GTPBP1: variants seen among roughly 807,000 people sequenced by gnomAD.
GTPBP1 encodes the protein GTP binding protein 1, also known as GTP-binding protein 1.
Under a neutral mutation model 62.0 loss-of-function variants are expected in GTPBP1, and 23 were observed. The observed-to-expected ratio is 0.37, with a 90% confidence interval of 0.27 to 0.53. The LOEUF (loss-of-function observed/expected upper bound fraction) is 0.53, where lower values mean the gene tolerates loss of function less well. GTPBP1 is among the 20% of genes least tolerant of loss of function. The pLI is 0.89. For synonymous variants in GTPBP1, 344 were observed against 364.4 expected (o/e 0.94, Z 0.64); for missense variants, 640 against 917.3 (o/e 0.70, Z 3.90).
At chr22:38,734,346 G>T (rs1410455392), downstream of GTPBP1, 1 of 454,542 alleles carries the variant, frequency 2.2e-6, no homozygotes, top group South Asian at 1.6e-5. Flanking sequence ...GGGGCAAATA[G>T]CGAATTCCCA....
At chr22:38,738,693 C>T (rs757720826), downstream of GTPBP1, 52 of 1,613,604 alleles carry the variant, frequency 3.2e-5, 1 homozygote, top group South Asian at 2.9e-4. This position sits in a 1 kb window ranked among gnomAD's most constrained non-coding sequence, Gnocchi z 6.6. Flanking sequence ...GGCAGAGAGG[C>T]GGACCACGGC....
chr22:38,741,488 G>C (rs573493906), downstream of GTPBP1: 1 of 1,613,606 alleles, frequency 6.2e-7, no homozygotes, highest in East Asian at 2.2e-5. Context: ...CCGCAAGCCC[G>C]CTGACCTGGG....
At chr22:38,737,081 A>G (rs1033477329), downstream of GTPBP1, among the ~76,000 whole-genome samples, 1 of 152,180 alleles carries the variant, frequency 6.6e-6, no homozygotes, top group Non-Finnish European at 1.5e-5. This position sits in a 1 kb window ranked among gnomAD's most constrained non-coding sequence, Gnocchi z 4.1. Context: ...TCCTGGGCTC[A>G]AGCAATCCCC....
At chr22:38,736,254 C>A, downstream of GTPBP1, 2 of 1,607,550 alleles carry the variant, frequency 1.2e-6, no homozygotes, top group Non-Finnish European at 1.7e-6. Flanking sequence ...GCAGCAGGCA[C>A]CAGTAAGCAG....
intron 2 of GTPBP1, among the ~76,000 whole-genome samples, chr22:38,710,588 G>A (rs530247333): frequency 6.6e-6 from 1 of 152,176 alleles, no homozygotes; most frequent in African/African-American, 2.4e-5. Flanking sequence ...GCATTATCAA[G>A]TGCTACAGAG....
downstream of GTPBP1, among the ~76,000 whole-genome samples, chr22:38,742,043 T>G (rs1183309264): frequency 6.6e-6 from 1 of 150,900 alleles, no homozygotes; most frequent in Non-Finnish European, 1.5e-5. Context: ...GGAGGCTGAG[T>G]GAGGCAAGAG....
At chr22:38,711,068 A>G (rs1330116523) in intron 2 of GTPBP1, among the ~76,000 whole-genome samples, 2 of 152,202 alleles carry the variant, frequency 1.3e-5, no homozygotes, top group South Asian at 2.1e-4. Flanking sequence ...AACTAGTTAA[A>G]CAAGTTGAAC....
At chr22:38,715,815 G>A in intron 2 of GTPBP1, 92 bp from the exon 3 acceptor site, 1 of 1,008,796 alleles carries the variant, frequency 9.9e-7, no homozygotes, top group Non-Finnish European at 1.5e-6. Flanking sequence ...GGGGGGTGGT[G>A]GCCTTTGTTA....
chr22:38,729,689 G>A, intron 11 of GTPBP1, 27 bp downstream of exon 11: 1 of 1,433,632 alleles, frequency 7.0e-7, no homozygotes, highest in African/African-American at 1.5e-5. Context: ...CGCAGCTTCG[G>A]CATGGTGGTG....
downstream of GTPBP1, chr22:38,739,260 C>T (rs2092833638): frequency 6.8e-7 from 1 of 1,469,632 alleles, no homozygotes; most frequent in African/African-American, 1.4e-5. This position sits in a 1 kb window ranked among gnomAD's most constrained non-coding sequence, Gnocchi z 6.7. Flanking sequence ...TTGCTCTGCC[C>T]CACCACCAAC....
chr22:38,722,709 G>A (rs1461227990), intron 5 of GTPBP1: 31 of 1,597,958 alleles, frequency 1.9e-5, no homozygotes, highest in Non-Finnish European at 2.4e-5. Flanking sequence ...TTTCTTCTCT[G>A]GGGTGAGAAG....
chr22:38,706,251 C>T, intron 1 of GTPBP1, 104 bp downstream of exon 1: 1 of 754,224 alleles, frequency 1.3e-6, no homozygotes, highest in Non-Finnish European at 1.8e-6. Context: ...GCGGGGAGCG[C>T]GGAACGGGAA....
chr22:38,706,477 C>G (rs936066447), intron 1 of GTPBP1: 17 of 208,534 alleles, frequency 8.2e-5, no homozygotes, highest in South Asian at 5.5e-4. Context: ...TTCCCTGTCC[C>G]CGCTCAGTGC....
chr22:38,738,085 C>G (rs767185819), downstream of GTPBP1: 5 of 1,193,108 alleles, frequency 4.2e-6, no homozygotes, highest in African/African-American at 1.5e-5. This position sits in a 1 kb window ranked among gnomAD's most constrained non-coding sequence, Gnocchi z 6.6. Flanking sequence ...CTCTGAACCC[C>G]ATGCCTGGCA....
At chr22:38,711,315 G>GGC (rs1347304185) in intron 2 of GTPBP1, among the ~76,000 whole-genome samples, 1 of 152,140 alleles carries the variant, frequency 6.6e-6, no homozygotes, top group African/African-American at 2.4e-5. Flanking sequence ...TTTAAAAGGG[G>GGC]GCAGTCTGGC....
rs750042946 is a variant in GTPBP1, at chr22:38,709,007, G to A, written c.304+51G>A. On this transcript the variant is annotated intron_variant, in intron 2 of 11. Transcript: ENST00000216044. ...ATTTTTAAAAATTATTGGGCCGGGT[G>A]CGGTGGCCCTGCCGCCTGTAATCCC... 4.4e-6 allele frequency: 5 copies of A among 1,132,090 alleles called. No individual in the cohort carries two copies. In the South Asian group the frequency reaches 6.2e-5, roughly 14 times the overall value. 70.1% of individuals were successfully genotyped at this position (1,132,090 alleles called of 1,614,324 possible). A position where few individuals can be genotyped will look rare whatever the true frequency, so the allele number is the denominator to read the frequency against.
chr22:38,738,513 A>C (rs2092826763), downstream of GTPBP1: 8 of 1,555,718 alleles, frequency 5.1e-6, no homozygotes, highest in South Asian at 9.4e-5. The surrounding 1 kb of genome is among the most constrained non-coding windows in gnomAD (Gnocchi z 6.6). Context: ...GGTGACCCTG[A>C]CTTGATCCTC....
In GTPBP1 at chr22:38,726,959, T is replaced by C. The variant is rs183893364; in HGVS notation, c.1402-254T>C. 6.6e-6 allele frequency among the ~76,000 whole-genome samples: 1 copy of C among 152,278 alleles called. No individual in the cohort carries two copies. The highest frequency in any genetic ancestry group is 1.9e-4 in the East Asian group (1 of 5,176). On this transcript the variant is annotated intron_variant, in intron 8 of 11. Transcript: ENST00000216044. This position sits in a 1 kb window ranked among gnomAD's most constrained non-coding sequence, Gnocchi z 4.1. ...CCTGCCTTTGCTTCCTCATGCGTCC[T>C]TCATGGCCGAGCAGCTGAAGTGCTG...
intron 5 of GTPBP1, among the ~76,000 whole-genome samples, chr22:38,723,722 T>A (rs1052098473): frequency 6.6e-6 from 1 of 152,104 alleles, no homozygotes; most frequent in South Asian, 2.1e-4. Context: ...GCAGAAGGAG[T>A]TGGGCTCTAC....
Sources: gnomAD v4.1 joint callset for allele counts (sites outside exome capture counted in the v4.1 genomes callset) on GRCh38, gnomAD v4.1.1 for gene constraint, Gnocchi (gnomAD v3.1) non-coding constraint, MANE v1.5 for transcripts, NCBI Gene and HGNC (gene_info 2026-07-23, HGNC 2026-07-21) for gene names.